Variants in BMPR2 observed in about 807,000 individuals in gnomAD.
BMPR2 encodes bone morphogenetic protein receptor type 2.
In BMPR2, 29 loss-of-function variants were observed where a neutral mutation model predicts 100.8. That is an observed-to-expected ratio of 0.29 (90% CI 0.21 to 0.39). The LOEUF (loss-of-function observed/expected upper bound fraction) is 0.39. BMPR2 is among the 10% of genes least tolerant of loss of function. BMPR2 has a pLI of 1.00. For missense variants in BMPR2, 1,011 were observed against 1,274.5 expected (o/e 0.79, Z 3.15); for synonymous variants, 382 against 442.3 (o/e 0.86, Z 1.71).
intron 1 of BMPR2, among the ~76,000 whole-genome samples, chr2:202,429,052 G>A (rs1366688311): frequency 6.6e-6 from 1 of 151,978 alleles, no homozygotes; most frequent in African/African-American, 2.4e-5. Flanking sequence ...GTTCCATTTG[G>A]CCCCATAAAT....
chr2:202,382,282 A>G (rs942588193), intron 1 of BMPR2, among the ~76,000 whole-genome samples: 1 of 151,466 alleles, frequency 6.6e-6, no homozygotes, highest in African/African-American at 2.4e-5. Context: ...CCGGTCTCGA[A>G]CTCCTGATCT....
chr2:202,500,038 G>A (rs1215988361), intron 3 of BMPR2, among the ~76,000 whole-genome samples: 1 of 152,196 alleles, frequency 6.6e-6, no homozygotes, highest in Non-Finnish European at 1.5e-5. Context: ...TGCCCCAGAG[G>A]ACGAAGGTTC....
intron 3 of BMPR2, among the ~76,000 whole-genome samples, chr2:202,493,104 G>A (rs1692942170): frequency 6.6e-6 from 1 of 152,194 alleles, no homozygotes; most frequent in Admixed American, 6.5e-5. Context: ...ATCTTTGAGT[G>A]ACATAGTCTT....
At chr2:202,438,045 G>C (rs1348856259) in intron 1 of BMPR2, among the ~76,000 whole-genome samples, 1 of 150,300 alleles carries the variant, frequency 6.7e-6, no homozygotes, top group Non-Finnish European at 1.5e-5. Context: ...CAGGCACAGT[G>C]GCTCATGCCT....
chr2:202,484,434 G>C (rs1036218521), intron 3 of BMPR2, among the ~76,000 whole-genome samples: 1 of 151,468 alleles, frequency 6.6e-6, no homozygotes. Context: ...CAGCACTTTG[G>C]GAGGCCGAGG....
At chr2:202,455,582 A>C (rs1428212309) in intron 1 of BMPR2, among the ~76,000 whole-genome samples, 2 of 152,196 alleles carry the variant, frequency 1.3e-5, no homozygotes, top group Non-Finnish European at 2.9e-5. Context: ...ATTGTGTCTT[A>C]CTTGAAGTCT....
chr2:202,475,787 C>A (rs1038875498), intron 3 of BMPR2, among the ~76,000 whole-genome samples: 6 of 152,044 alleles, frequency 3.9e-5, no homozygotes, highest in Non-Finnish European at 1.5e-5. Context: ...AATCTAAGTC[C>A]CGGCCGGGTG....
intron 1 of BMPR2, among the ~76,000 whole-genome samples, chr2:202,422,521 T>C (rs1352440198): frequency 6.6e-6 from 1 of 151,926 alleles, no homozygotes; most frequent in Non-Finnish European, 1.5e-5. Context: ...TTAGCCAGGA[T>C]GGTCTCGATC....
intron 1 of BMPR2, among the ~76,000 whole-genome samples, chr2:202,440,029 G>A (rs1205902055): frequency 6.6e-6 from 1 of 150,396 alleles, no homozygotes; most frequent in African/African-American, 2.5e-5. Context: ...GAGAGCAGCG[G>A]GTTGGGGGTA....
At chr2:202,522,683 C>G (rs923795640) in intron 7 of BMPR2, among the ~76,000 whole-genome samples, 2 of 151,672 alleles carry the variant, frequency 1.3e-5, no homozygotes, top group African/African-American at 4.8e-5. Context: ...AAGTTTTAAT[C>G]AGCTGGAGGT....
chr2:202,526,503 A>G (rs1687914609), intron 7 of BMPR2, among the ~76,000 whole-genome samples: 1 of 152,212 alleles, frequency 6.6e-6, no homozygotes, highest in Non-Finnish European at 1.5e-5. Flanking sequence ...TCTCCTAAAT[A>G]CAGAATTGTC....
At chr2:202,384,981 A>G (rs1213103151) in intron 1 of BMPR2, among the ~76,000 whole-genome samples, 4 of 152,148 alleles carry the variant, frequency 2.6e-5, no homozygotes, top group African/African-American at 7.2e-5. Context: ...TCAAAAATGT[A>G]CATGATCATG....
chr2:202,479,319 T>C (rs970045679), intron 3 of BMPR2, among the ~76,000 whole-genome samples: 4 of 152,224 alleles, frequency 2.6e-5, no homozygotes, highest in South Asian at 4.1e-4. Flanking sequence ...AGCTCAGCGA[T>C]AGATACTGTC....
intron 3 of BMPR2, among the ~76,000 whole-genome samples, chr2:202,494,969 T>A (rs1692991672): frequency 6.6e-6 from 1 of 152,114 alleles, no homozygotes; most frequent in African/African-American, 2.4e-5. Context: ...GTGGCTCACT[T>A]CTTAAGTGCC....
At position 202,532,437 on chromosome 2, in the gene BMPR2, A is replaced by T. The variant is rs1688045522; in HGVS notation, c.1129-148A>T. The T allele has an allele frequency of 1.1e-6, 1 of 929,584 alleles. No individual in the cohort carries two copies. Among genetic ancestry groups the T allele is most frequent in the Non-Finnish European group, 1.6e-6 (1 of 621,936 alleles). The allele number at this position is 929,584 out of a possible 1,614,324, so 57.6% of individuals were successfully genotyped here. On this transcript the variant is annotated intron_variant, in intron 8 of 12. Transcript: ENST00000374580. The surrounding 1 kb of genome is among the most constrained non-coding windows in gnomAD (Gnocchi z 4.1). ...TATTCAGGAAGGGCATTTTATAGGT[A>T]AAAAATAAGTTATAGAAAGGTTTAA...
Position 202,559,903 on chromosome 2 carries a change from C to CT in BMPR2, c.3075dup (p.Thr1026TyrfsTer6). On this transcript the variant is annotated frameshift_variant, in exon 13 of 13. Coordinates refer to ENST00000374580, the MANE Select transcript of BMPR2 (RefSeq NM_001204.7). LOFTEE classifies it high-confidence loss of function. ...GTTTACCTTGCAGAAGGAGGCACTGCTACAACCATGGTGTCTAAAGATATA... is the reference window on the plus strand; with the variant it reads ...GTTTACCTTGCAGAAGGAGGCACTGCTTACAACCATGGTGTCTAAAGATATA... The CT allele has an allele frequency of 6.2e-7, 1 of 1,614,072 alleles. No individual in the cohort carries two copies. The highest frequency in any genetic ancestry group is 8.5e-7 in the Non-Finnish European group (1 of 1,180,024).
chr2:202,396,285 A>G lies in BMPR2; in HGVS notation c.76+18735A>G, dbSNP rs75815407. Among the ~76,000 whole-genome samples, 745 of 152,320 alleles carry G rather than the reference A, an allele frequency of 4.9e-3. 4 individuals are homozygous for G. Among genetic ancestry groups the G allele is most frequent in the African/African-American group, 0.017 (703 of 41,576 alleles). On this transcript the variant is annotated intron_variant, in intron 1 of 12. Coordinates refer to ENST00000374580, the MANE Select transcript of BMPR2 (RefSeq NM_001204.7). ...TGATGAAGGCTGAGTTATTTGGTATATATGTAGTCTACCTTATTTAATATT... is the reference window on the plus strand; with the variant it reads ...TGATGAAGGCTGAGTTATTTGGTATGTATGTAGTCTACCTTATTTAATATT...
intron 1 of BMPR2, among the ~76,000 whole-genome samples, chr2:202,385,287 G>GA (rs1276475577): frequency 6.9e-6 from 1 of 144,196 alleles, no homozygotes; most frequent in Non-Finnish European, 1.5e-5. Flanking sequence ...AAAATTAAGA[G>GA]AAAAAATATT....
Position 202,556,180 on chromosome 2 carries a change from G to T in BMPR2, c.2515G>T (p.Val839Leu). Residue 839 changes from valine (V) to leucine (L), a missense_variant, in exon 12 of 13, where the codon GTG (valine) becomes TTG (leucine). Val to Leu is a conservative substitution (Grantham distance 32). This residue lies in a region of BMPR2 where 508 missense variants were observed against 552.0 expected (regional missense o/e 0.92). Transcript: ENST00000374580. Reference protein sequence around the residue: ...TVLSGQTTNIVTHRAQEMLQN... With the variant: ...TVLSGQTTNILTHRAQEMLQN... ...ACTATCTGGCCAAACAACCAACATAGTGACACATAGGGCCCAAGAAATGTT... is the reference window on the plus strand; with the variant it reads ...ACTATCTGGCCAAACAACCAACATATTGACACATAGGGCCCAAGAAATGTT... The T allele has an allele frequency of 6.2e-7, 1 of 1,611,698 alleles. No homozygotes were observed. The highest frequency in any genetic ancestry group is 8.5e-7 in the Non-Finnish European group (1 of 1,177,990).
Sources: gnomAD v4.1 joint callset for allele counts (sites outside exome capture counted in the v4.1 genomes callset) on GRCh38, gnomAD v4.1.1 for gene constraint, gnomAD v4.1.1 regional missense constraint, Gnocchi (gnomAD v3.1) non-coding constraint, MANE v1.5 for transcripts, NCBI Gene and HGNC (gene_info 2026-07-23, HGNC 2026-07-21) for gene names.